Variants in XPR1 observed in about 807,000 individuals in gnomAD.
XPR1 encodes xenotropic and polytropic retrovirus receptor 1.
XPR1 carries 28 observed loss-of-function variants against 87.5 expected under a neutral mutation model. The ratio of observed to expected loss-of-function variants is 0.32; its 90% confidence interval spans 0.24 to 0.44. The LOEUF is 0.44. Among genes scored for constraint, XPR1 ranks in the 20% least tolerant of loss-of-function variants. XPR1 has a pLI of 1.00. For synonymous variants in XPR1, 300 were observed against 306.1 expected (o/e 0.98, Z 0.21); for missense variants, 559 against 862.3 (o/e 0.65, Z 4.41).
At chr1:180,716,945 A>G (rs1010873680) in intron 2 of XPR1, among the ~76,000 whole-genome samples, 12 of 152,180 alleles carry the variant, frequency 7.9e-5, no homozygotes, top group Non-Finnish European at 1.3e-4. Flanking sequence ...GTCTTCTAGA[A>G]GCTCATATTG....
At chr1:180,875,549 A>G (rs941854728) in intron 13 of XPR1, among the ~76,000 whole-genome samples, 2 of 151,866 alleles carry the variant, frequency 1.3e-5, no homozygotes, top group Admixed American at 1.3e-4. Flanking sequence ...AACAGAATGT[A>G]ATTGAAAATG....
chr1:180,656,099 A>C (rs1171988085), intron 1 of XPR1, among the ~76,000 whole-genome samples: 1 of 150,872 alleles, frequency 6.6e-6, no homozygotes, highest in African/African-American at 2.4e-5. Context: ...TCTGCCCCCC[A>C]ATACCCTTCT....
intron 7 of XPR1, among the ~76,000 whole-genome samples, chr1:180,814,028 G>A (rs1321379953): frequency 6.6e-6 from 1 of 152,148 alleles, no homozygotes; most frequent in Non-Finnish European, 1.5e-5. Context: ...CAGGGACTAT[G>A]TATTGTTGCA....
chr1:180,793,018 C>G (rs1473274132), intron 3 of XPR1, among the ~76,000 whole-genome samples: 1 of 151,862 alleles, frequency 6.6e-6, no homozygotes, highest in Non-Finnish European at 1.5e-5. Context: ...TTTTGAATAA[C>G]TTCTTTTTTT....
intron 1 of XPR1, among the ~76,000 whole-genome samples, chr1:180,671,421 T>C (rs1656168985): frequency 6.6e-6 from 1 of 152,154 alleles, no homozygotes; most frequent in African/African-American, 2.4e-5. Context: ...TGTACATGCA[T>C]GAGTGGAAAG....
At chr1:180,633,251 C>T (rs1022016410) in intron 1 of XPR1, among the ~76,000 whole-genome samples, 1 of 152,148 alleles carries the variant, frequency 6.6e-6, no homozygotes, top group Non-Finnish European at 1.5e-5. Flanking sequence ...ACCTAAGAGG[C>T]TTTAAGCATT....
rs540425728 is a variant in XPR1 at position 180,671,344 on chromosome 1, A to C, written c.70-11016A>C. ...AAACCAGTTAAAATTCTGTTGAAAT[A>C]GTTTAGATGGATAGGAGATTATGAA... is the stretch of plus-strand genomic sequence containing the variant. On this transcript the variant is annotated intron_variant, in intron 1 of 14. Transcript: ENST00000367590. Among the ~76,000 whole-genome samples, 3 of 152,342 alleles carry C rather than the reference A, an allele frequency of 2.0e-5. No homozygotes were observed. The East Asian group carries it at 5.8e-4, about 29-fold the overall frequency.
intron 2 of XPR1, among the ~76,000 whole-genome samples, chr1:180,711,383 T>C (rs1427906294): frequency 6.6e-6 from 1 of 152,222 alleles, no homozygotes. Context: ...AGGCCAAGGC[T>C]GGCAGATCAC....
chr1:180,882,149 C>T lies in XPR1; in HGVS notation c.2030+1852C>T, dbSNP rs555414074. Among the ~76,000 whole-genome samples the T allele has an allele frequency of 1.4e-4, 21 of 152,260 alleles. No individual in the cohort carries two copies. The South Asian group carries it at 4.4e-3, about 32-fold the overall frequency. ...ATACTATTTCTGCTTAAAGAAGGGG[C>T]TCTTTGGCAATAGATTATTCTGTTC... is the stretch of plus-strand genomic sequence containing the variant. On this transcript the variant is annotated intron_variant, in intron 14 of 14. Coordinates refer to ENST00000367590, the MANE Select transcript of XPR1 (RefSeq NM_004736.4).
chr1:180,819,625 G>T (rs897601274), intron 7 of XPR1, among the ~76,000 whole-genome samples: 1 of 152,076 alleles, frequency 6.6e-6, no homozygotes, highest in Non-Finnish European at 1.5e-5. Flanking sequence ...AGGCTATTTC[G>T]CTTTCTTTTA....
At chr1:180,682,322 T>A in intron 1 of XPR1, 38 bp from the exon 2 acceptor site, 1 of 1,529,430 alleles carries the variant, frequency 6.5e-7, no homozygotes, top group Non-Finnish European at 8.9e-7. Flanking sequence ...TAAAGCTTAC[T>A]CATGATTTCA....
At chr1:180,704,084 C>T (rs1221599179) in intron 2 of XPR1, among the ~76,000 whole-genome samples, 1 of 150,342 alleles carries the variant, frequency 6.7e-6, no homozygotes, top group Admixed American at 6.6e-5. Flanking sequence ...TTTTTGTCTC[C>T]CAGAGTCTGG....
At chr1:180,844,959 T>C (rs1651629959) in intron 11 of XPR1, among the ~76,000 whole-genome samples, 1 of 152,178 alleles carries the variant, frequency 6.6e-6, no homozygotes, top group African/African-American at 2.4e-5. Context: ...ACTTCTGCCA[T>C]GGAAACAGGG....
At chr1:180,649,635 C>T (rs1338343007) in intron 1 of XPR1, among the ~76,000 whole-genome samples, 1 of 152,122 alleles carries the variant, frequency 6.6e-6, no homozygotes, top group Non-Finnish European at 1.5e-5. Context: ...TTTAAGTAAA[C>T]ATATTCCTAG....
chr1:180,715,256 G>A (rs1192734216), intron 2 of XPR1, among the ~76,000 whole-genome samples: 1 of 152,158 alleles, frequency 6.6e-6, no homozygotes, highest in Non-Finnish European at 1.5e-5. Flanking sequence ...TTACTGAATA[G>A]GCTACCTCAG....
chr1:180,685,769 G>T (rs552282683), intron 2 of XPR1, among the ~76,000 whole-genome samples: 148 of 152,164 alleles, frequency 9.7e-4, no homozygotes, highest in African/African-American at 2.9e-3. Context: ...TCTAGTTTAT[G>T]TGCGTAGAGG....
At position 180,749,639 on chromosome 1, in the gene XPR1, TCACACACACACACA is replaced by T. The variant is rs139363505; in HGVS notation, c.122-38088_122-38075del. ...AAAATTTATAATAAACACATATACATCACACACACACACACACACACACACACACACACACACAC... is the reference window on the plus strand; with the variant it reads ...AAAATTTATAATAAACACATATACATCACACACACACACACACACACACAC... On this transcript the variant is annotated intron_variant, in intron 2 of 14. Coordinates refer to ENST00000367590, the MANE Select transcript of XPR1 (RefSeq NM_004736.4). 2.1e-3 allele frequency among the ~76,000 whole-genome samples: 293 copies of T among 142,436 alleles called. 1 individual carries two copies. Among genetic ancestry groups the T allele is most frequent in the African/African-American group, 7.0e-3 (267 of 38,260 alleles). 93.4% of individuals were successfully genotyped at this position (142,436 alleles called of 152,430 possible).
intron 2 of XPR1, among the ~76,000 whole-genome samples, chr1:180,726,882 T>C (rs1052926907): frequency 3.3e-5 from 5 of 151,736 alleles, no homozygotes; most frequent in Non-Finnish European, 5.9e-5. Flanking sequence ...TTCTTTCTTT[T>C]TTTTTTTTTT....
intron 1 of XPR1, among the ~76,000 whole-genome samples, chr1:180,665,181 GGAGT>G (rs1655915846): frequency 1.3e-5 from 2 of 152,202 alleles, no homozygotes; most frequent in Admixed American, 1.3e-4. Context: ...GTGGCAGGAT[GGAGT>G]GAGTGCAAGC....
Sources: gnomAD v4.1 joint callset for allele counts (sites outside exome capture counted in the v4.1 genomes callset) on GRCh38, gnomAD v4.1.1 for gene constraint, MANE v1.5 for transcripts, NCBI Gene and HGNC (gene_info 2026-07-23, HGNC 2026-07-21) for gene names.